The following CEP135 variants were observed in gnomAD, a reference collection of about 807,000 sequenced individuals.
CEP135 encodes centrosomal protein of 135 kDa.
Under a neutral mutation model 157.3 loss-of-function variants are expected in CEP135, and 142 were observed. The observed-to-expected ratio is 0.90, with a 90% CI of 0.79 to 1.04. The LOEUF is 1.04. Among genes scored for constraint, CEP135 ranks in the 50% least tolerant of loss-of-function variants. The pLI, the probability that CEP135 is intolerant of heterozygous loss-of-function variation, is 0.00. For missense variants in CEP135, 1,317 were observed against 1,309.2 expected (o/e 1.01, Z -0.09); for synonymous variants, 396 against 439.8 (o/e 0.90, Z 1.25).
At chr4:56,000,701 G>A (rs371460525) in intron 17 of CEP135, among the ~76,000 whole-genome samples, 5 of 152,096 alleles carry the variant, frequency 3.3e-5, no homozygotes, top group African/African-American at 1.2e-4. Flanking sequence ...AATATTTCCT[G>A]TGTATATATA....
At chr4:56,028,610 GA>G (rs374349771) in intron 25 of CEP135, among the ~76,000 whole-genome samples, 2,628 of 138,428 alleles carry the variant, frequency 0.019, 35 homozygotes, top group Non-Finnish European at 0.023. Context: ...ATTGCTCAAG[GA>G]AAAAAAAAAA....
intron 5 of CEP135, 113 bp downstream of exon 5, chr4:55,957,477 A>G (rs911470283): frequency 3.5e-5 from 32 of 925,230 alleles, no homozygotes; most frequent in Non-Finnish European, 5.0e-5. Context: ...AGTGTCTAGC[A>G]CAGAACTTTG....
At chr4:56,016,488 C>A (rs1431696619) in intron 21 of CEP135, among the ~76,000 whole-genome samples, 2 of 151,980 alleles carry the variant, frequency 1.3e-5, no homozygotes, top group African/African-American at 2.4e-5. Context: ...TATTATTGTT[C>A]ATGTTCGTAT....
intron 4 of CEP135, among the ~76,000 whole-genome samples, chr4:55,955,080 C>CAA (rs759418479): frequency 8.2e-6 from 1 of 121,508 alleles, no homozygotes; most frequent in Non-Finnish European, 1.8e-5. Flanking sequence ...GACCCTGTCT[C>CAA]AAAAAAAAAA....
At chr4:55,987,151 A>G (rs1308258545) in intron 14 of CEP135, among the ~76,000 whole-genome samples, 1 of 152,116 alleles carries the variant, frequency 6.6e-6, no homozygotes, top group Admixed American at 6.5e-5. Context: ...ACTGAGATAA[A>G]ACCCTTTTGA....
intron 11 of CEP135, among the ~76,000 whole-genome samples, chr4:55,976,538 A>G (rs1729229202): frequency 6.6e-6 from 1 of 152,236 alleles, no homozygotes; most frequent in South Asian, 2.1e-4. Context: ...TGTGTGAGAC[A>G]TATTGGTAAG....
chr4:56,008,379 T>C lies in CEP135; in HGVS notation c.2333T>C (p.Val778Ala), dbSNP rs758339313. Residue 778 changes from valine to alanine, a missense_variant, in exon 18 of 26, where the codon GTG (valine) becomes GCG (alanine). Transcript: ENST00000257287. ...KIMISECESS[V>A]NQLKETLVNR... Reference sequence around the variant, plus strand: ...ATGATCTCAGAGTGTGAATCATCTGTGAAGTAAGTCATTAATGAAATTACA... The same window carrying C: ...ATGATCTCAGAGTGTGAATCATCTGCGAAGTAAGTCATTAATGAAATTACA... 9.3e-6 allele frequency: 15 copies of C among 1,607,658 alleles called. No individual in the cohort carries two copies. Among genetic ancestry groups the C allele is most frequent in the Middle Eastern group, 1.7e-4 (1 of 6,046 alleles).
At chr4:55,964,617 A>G (rs1274055852) in intron 7 of CEP135, among the ~76,000 whole-genome samples, 1 of 152,154 alleles carries the variant, frequency 6.6e-6, no homozygotes, top group Admixed American at 6.5e-5. Context: ...GCAGTAATTA[A>G]CATGCACCAT....
chr4:55,990,833 T>G lies in CEP135; in HGVS notation c.1858-1101T>G, dbSNP rs140561854. On this transcript the variant is annotated intron_variant, in intron 14 of 25. Coordinates refer to ENST00000257287, the MANE Select transcript of CEP135 (RefSeq NM_025009.5). Reference sequence around the variant, plus strand: ...ACCATAACGCCCAGCCCCCTACTCTTATTTTTTAAGTTTATGCTTTTCCTA... The same window carrying G: ...ACCATAACGCCCAGCCCCCTACTCTGATTTTTTAAGTTTATGCTTTTCCTA... Among the ~76,000 whole-genome samples the G allele has an allele frequency of 4.1e-3, 617 of 152,300 alleles. 7 individuals are homozygous for G. Among genetic ancestry groups the G allele is most frequent in the African/African-American group, 0.014 (589 of 41,558 alleles).
Position 56,031,963 on chromosome 4 carries a change from A to G in CEP135, c.*615A>G, listed in dbSNP as rs1731367982. On this transcript the variant is annotated 3_prime_UTR_variant, in exon 26 of 26. Transcript: ENST00000257287. Reference sequence around the variant, plus strand: ...ATTGCCATCTAGAAGAACTATGATGAGAAAGATACATTTATATATTATGTA... The same window carrying G: ...ATTGCCATCTAGAAGAACTATGATGGGAAAGATACATTTATATATTATGTA... 1 of 152,218 alleles carries G rather than the reference A, an allele frequency of 6.6e-6. No individual in the cohort carries two copies. The highest frequency in any genetic ancestry group is 2.4e-5 in the African/African-American group (1 of 41,462). 9.4% of individuals were successfully genotyped at this position (152,218 alleles called of 1,614,324 possible).
intron 10 of CEP135, 47 bp downstream of exon 10, chr4:55,971,455 TTGA>T: frequency 6.6e-7 from 1 of 1,524,250 alleles, no homozygotes; most frequent in Non-Finnish European, 8.8e-7. Context: ...TGATTTCCTC[TTGA>T]TGTATTGTTT....
At chr4:55,992,835 AC>A (rs1267330873) in intron 15 of CEP135, among the ~76,000 whole-genome samples, 1 of 152,218 alleles carries the variant, frequency 6.6e-6, no homozygotes, top group African/African-American at 2.4e-5. Context: ...AATTTAGAAT[AC>A]AGAAGACTCA....
intron 14 of CEP135, among the ~76,000 whole-genome samples, chr4:55,990,150 C>T (rs1207143575): frequency 6.6e-6 from 1 of 152,082 alleles, no homozygotes; most frequent in Non-Finnish European, 1.5e-5. Context: ...TTTCATTGAA[C>T]CTATTGCTAA....
In CEP135 at chr4:56,009,767, G is replaced by A. The variant is rs149552948; in HGVS notation, c.2369G>A (p.Arg790His). The change falls in exon 19 of 26, where the codon CGT (arginine) becomes CAT (histidine). Residue 790 changes from arginine (R) to histidine (H), a missense_variant. Arg to His is a conservative substitution (Grantham distance 29). Coordinates refer to ENST00000257287, the MANE Select transcript of CEP135 (RefSeq NM_025009.5). ...QLKETLVNRD[R>H]EINSLRRQLD... ...AAAGAAACATTGGTTAATCGAGATCGTGAGATAAACAGCCTCCGGCGCCAG... is the reference window on the plus strand; with the variant it reads ...AAAGAAACATTGGTTAATCGAGATCATGAGATAAACAGCCTCCGGCGCCAG... 1.5e-5 allele frequency: 24 copies of A among 1,611,742 alleles called. No individual in the cohort carries two copies. The highest frequency in any genetic ancestry group is 6.7e-5 in the African/African-American group (5 of 74,764).
intron 17 of CEP135, among the ~76,000 whole-genome samples, chr4:56,000,789 A>C (rs2109715539): frequency 6.6e-6 from 1 of 152,294 alleles, no homozygotes; most frequent in East Asian, 1.9e-4. Context: ...GCAGGATCAT[A>C]TGGTAGTTAT....
rs1333051522 is a variant in CEP135 at position 55,959,737 on chromosome 4, G to A, written c.670G>A (p.Glu224Lys). 3.7e-6 allele frequency: 6 copies of A among 1,614,080 alleles called. No individual in the cohort carries two copies. The Admixed American group carries it at 1.0e-4, about 27-fold the overall frequency. The stretch of plus-strand genomic sequence containing the variant: ...GCTACAAGAAAAGTTAGCAATGATG[G>A]AAAGTGGGGTGAGAGACTATAGCAA... ...HQLQEKLAMM[E>K]SGVRDYSKQI... is the part of the protein sequence containing the mutation. The change falls in exon 6 of 26, where the codon GAA (glutamate) becomes AAA (lysine). Residue 224 changes from glutamate to lysine, a missense_variant. Glu to Lys is a moderately conservative substitution (Grantham distance 56). Coordinates refer to ENST00000257287, the MANE Select transcript of CEP135 (RefSeq NM_025009.5).
chr4:55,970,426 T>C (rs2109665662), intron 9 of CEP135, among the ~76,000 whole-genome samples: 1 of 152,366 alleles, frequency 6.6e-6, no homozygotes, highest in East Asian at 1.9e-4. Flanking sequence ...GAGTTTTCTC[T>C]AAGATTGGAA....
At chr4:56,021,732 G>A (rs1730977802) in intron 24 of CEP135, among the ~76,000 whole-genome samples, 1 of 152,062 alleles carries the variant, frequency 6.6e-6, no homozygotes, top group Admixed American at 6.6e-5. Flanking sequence ...CAATATTTAC[G>A]ATTTCATAAA....
intron 11 of CEP135, among the ~76,000 whole-genome samples, chr4:55,979,347 T>C (rs1560407395): frequency 6.6e-6 from 1 of 152,216 alleles, no homozygotes; most frequent in East Asian, 1.9e-4. Flanking sequence ...AGTGAATCTT[T>C]TGAATTGTAC....
Sources: gnomAD v4.1 joint callset for allele counts (sites outside exome capture counted in the v4.1 genomes callset) on GRCh38, gnomAD v4.1.1 for gene constraint, MANE v1.5 for transcripts, NCBI Gene and HGNC (gene_info 2026-07-23, HGNC 2026-07-21) for gene names.